Variants in ZNF423 observed in about 807,000 individuals in gnomAD.
The protein encoded by ZNF423 is Ebf-associated zinc finger protein.
Under a neutral mutation model 95.8 loss-of-function variants are expected in ZNF423, and 12 were observed. That is an observed-to-expected ratio of 0.13 (90% CI 0.08 to 0.20). The LOEUF is 0.20. Ranked by LOEUF, ZNF423 falls within the 10% of genes least tolerant of loss-of-function variation. The probability of loss-of-function intolerance (pLI) is 1.00; values close to 1 mark genes in which losing one functional copy is unlikely to be tolerated. For synonymous variants in ZNF423, 749 were observed against 711.9 expected, an observed-to-expected ratio of 1.05 and a Z score of -0.83; for missense variants, 1,316 against 1,737.1, an observed-to-expected ratio of 0.76 and a Z score of 4.31.
intron 1 of ZNF423, among the ~76,000 whole-genome samples, chr16:49,815,881 AATATATATATATAT>A (rs1169322824): frequency 6.3e-5 from 3 of 47,590 alleles, no homozygotes; most frequent in African/African-American, 2.0e-4. Flanking sequence ...AAAAAAAAAA[AATATATATATATAT>A]ATATATATAT....
chr16:49,732,584 G>A lies in ZNF423; in HGVS notation c.101-1613C>T, dbSNP rs532815819. 3.9e-5 allele frequency among the ~76,000 whole-genome samples: 6 copies of A among 152,300 alleles called. No individual in the cohort carries two copies. The South Asian group carries it at 8.3e-4, about 21-fold the overall frequency. On this transcript the variant is annotated intron_variant, in intron 2 of 7. Coordinates refer to ENST00000563137, the MANE Select transcript of ZNF423 (RefSeq NM_001379286.1). Reference sequence around the variant, plus strand: ...TATGTGCACCTGTATGTACATGTGTGTACATGCAACATCACAGTTACAGGA... The same window carrying A: ...TATGTGCACCTGTATGTACATGTGTATACATGCAACATCACAGTTACAGGA...
At chr16:49,633,787 C>A (rs865903321) in intron 4 of ZNF423, among the ~76,000 whole-genome samples, 7 of 152,276 alleles carry the variant, frequency 4.6e-5, no homozygotes, top group African/African-American at 1.7e-4. Context: ...GACAAAGGGT[C>A]CTGAGAGGGT....
chr16:49,506,698 G>A (rs919614416), intron 7 of ZNF423, among the ~76,000 whole-genome samples: 23 of 152,252 alleles, frequency 1.5e-4, no homozygotes, highest in African/African-American at 4.6e-4. Context: ...TAGATGGAAG[G>A]ATCAGTGGAC....
Position 49,611,244 on chromosome 16 carries a change from T to C in ZNF423, c.3601+14926A>G, listed in dbSNP as rs146448591. Among the ~76,000 whole-genome samples the C allele has an allele frequency of 1.6e-3, 237 of 152,172 alleles. 3 individuals carry two copies. The highest frequency in any genetic ancestry group is 2.1e-4 in the Non-Finnish European group (14 of 67,912). ...AGAGAACAAATACCAAGACAGACCA[T>C]ATCATGGGTCATAAAACAAATGTCA... On this transcript the variant is annotated intron_variant, in intron 5 of 7. Transcript: ENST00000563137.
chr16:49,798,793 TAC>T (rs1389795699), intron 1 of ZNF423, among the ~76,000 whole-genome samples: 1 of 152,186 alleles, frequency 6.6e-6, no homozygotes, highest in Non-Finnish European at 1.5e-5. Flanking sequence ...GCCACGCTAC[TAC>T]AGACTCCTCA....
intron 5 of ZNF423, among the ~76,000 whole-genome samples, chr16:49,568,436 G>C (rs542726571): frequency 6.6e-6 from 1 of 152,176 alleles, no homozygotes; most frequent in Non-Finnish European, 1.5e-5. Flanking sequence ...TTCAGCAGCA[G>C]TGAGCCCTTC....
At chr16:49,720,843 A>T (rs1285109529) in intron 3 of ZNF423, among the ~76,000 whole-genome samples, 1 of 152,208 alleles carries the variant, frequency 6.6e-6, no homozygotes, top group Admixed American at 6.5e-5. Flanking sequence ...AGTGGTCTGC[A>T]TGGAGCTGCC....
upstream of ZNF423, chr16:49,856,113 C>CAAAA: frequency 7.5e-4 from 2 of 2,678 alleles, 1 homozygote; most frequent in African/African-American, 3.2e-3. Flanking sequence ...CCGAGTTATG[C>CAAAA]AAAAAAAAAA....
intron 3 of ZNF423, among the ~76,000 whole-genome samples, chr16:49,680,855 G>A (rs534081773): frequency 6.6e-6 from 1 of 152,346 alleles, no homozygotes; most frequent in South Asian, 2.1e-4. Flanking sequence ...CAGCAGGCAT[G>A]AGCAATATAG....
chr16:49,590,376 T>C (rs780463531), intron 5 of ZNF423, among the ~76,000 whole-genome samples: 8 of 151,930 alleles, frequency 5.3e-5, no homozygotes, highest in Non-Finnish European at 1.0e-4. Context: ...GCCACAGCAC[T>C]CACACCGGCC....
chr16:49,770,692 A>T (rs900069923), intron 2 of ZNF423, among the ~76,000 whole-genome samples: 15 of 152,316 alleles, frequency 9.8e-5, no homozygotes, highest in African/African-American at 3.1e-4. Flanking sequence ...TCGGAGGGGC[A>T]CAAGGCATAG....
chr16:49,626,558 C>A (rs1972278512), intron 4 of ZNF423, among the ~76,000 whole-genome samples: 3 of 152,046 alleles, frequency 2.0e-5, no homozygotes, highest in Admixed American at 2.0e-4. Flanking sequence ...ATCCATCTAC[C>A]CATGCCCCCA....
chr16:49,491,309 A>C lies in ZNF423; in HGVS notation c.3850-5T>G. 1 of 1,614,010 alleles carries C rather than the reference A, an allele frequency of 6.2e-7. No homozygotes were observed. The highest frequency in any genetic ancestry group is 8.5e-7 in the Non-Finnish European group (1 of 1,180,034). The stretch of plus-strand genomic sequence containing the variant: ...GTGCTGGCTCATCGTGTGGTTCTGC[A>C]AAGGCGAAGAAAGGAGACACACATG... On this transcript the variant is annotated splice_region_variant and splice_polypyrimidine_tract_variant and intron_variant, in intron 7 of 7. Transcript: ENST00000563137.
intron 5 of ZNF423, among the ~76,000 whole-genome samples, chr16:49,549,944 C>A (rs2151751446): frequency 6.6e-6 from 1 of 152,232 alleles, no homozygotes; most frequent in East Asian, 1.9e-4. Flanking sequence ...GCAATCACCG[C>A]TCGCTGCAGC....
intron 2 of ZNF423, among the ~76,000 whole-genome samples, chr16:49,741,785 T>G (rs1343708079): frequency 6.6e-6 from 1 of 152,218 alleles, no homozygotes; most frequent in Non-Finnish European, 1.5e-5. Flanking sequence ...TGAAAGTGTC[T>G]CTTCTTTAGA....
chr16:49,744,939 T>C (rs927934450), intron 2 of ZNF423, among the ~76,000 whole-genome samples: 4 of 152,238 alleles, frequency 2.6e-5, no homozygotes, highest in Admixed American at 1.3e-4. Context: ...CTGCTAATTT[T>C]TTATTGATCA....
chr16:49,781,128 A>T (rs1325637429), intron 2 of ZNF423, among the ~76,000 whole-genome samples: 1 of 152,226 alleles, frequency 6.6e-6, no homozygotes, highest in East Asian at 1.9e-4. Flanking sequence ...GGAGCAATGG[A>T]CAGAGAAGAG....
intron 2 of ZNF423, among the ~76,000 whole-genome samples, chr16:49,750,313 G>T (rs1173600936): frequency 1.3e-5 from 2 of 152,172 alleles, no homozygotes; most frequent in African/African-American, 4.8e-5. Context: ...TAAATATGGG[G>T]CTTCAAGTCA....
intron 3 of ZNF423, chr16:49,663,970 C>G (rs1397482548): frequency 3.0e-6 from 2 of 675,896 alleles, no homozygotes; most frequent in African/African-American, 3.9e-5. Context: ...ATTCCACTCC[C>G]CAACGCGCCG....
Sources: allele counts gnomAD v4.1 joint callset (sites outside exome capture counted in the v4.1 genomes callset), GRCh38; gene constraint gnomAD v4.1.1; transcripts MANE v1.5; gene names NCBI Gene and HGNC (gene_info 2026-07-23, HGNC 2026-07-21).